The following ELAVL2 variants were observed in gnomAD, a reference collection of about 807,000 sequenced individuals.
ELAVL2 encodes the protein ELAV-like protein 2.
In ELAVL2, 4 loss-of-function variants were observed where a neutral mutation model predicts 34.6. That is an observed-to-expected ratio of 0.12 (90% CI 0.06 to 0.26). The LOEUF (loss-of-function observed/expected upper bound fraction) is 0.26, where lower values mean the gene tolerates loss of function less well. Ranked by LOEUF, ELAVL2 falls within the 10% of genes least tolerant of loss-of-function variation. The probability of loss-of-function intolerance (pLI) is 1.00; values close to 1 mark genes in which losing one functional copy is unlikely to be tolerated. For synonymous variants in ELAVL2, 193 were observed against 154.8 expected, an observed-to-expected ratio of 1.25 and a Z score of -1.83; for missense variants, 432 against 442.8, an observed-to-expected ratio of 0.98 and a Z score of 0.22.
intron 3 of ELAVL2, among the ~76,000 whole-genome samples, chr9:23,728,939 C>T (rs1304179605): frequency 6.6e-6 from 1 of 152,082 alleles, no homozygotes; most frequent in Non-Finnish European, 1.5e-5. Flanking sequence ...TTACCCTGAC[C>T]CACATCTCAG....
chr9:23,813,318 G>C (rs148387265), intron 1 of ELAVL2, among the ~76,000 whole-genome samples: 35 of 152,066 alleles, frequency 2.3e-4, no homozygotes, highest in African/African-American at 7.7e-4. Context: ...CTTCTGGAGT[G>C]GGGGAGAAAA....
intron 5 of ELAVL2, among the ~76,000 whole-genome samples, chr9:23,698,237 A>G (rs951637302): frequency 1.3e-5 from 2 of 152,228 alleles, no homozygotes; most frequent in Non-Finnish European, 2.9e-5. Flanking sequence ...TCATGTCCCA[A>G]GAATATACTT....
chr9:23,741,364 A>G (rs2049126971), intron 2 of ELAVL2, among the ~76,000 whole-genome samples: 1 of 152,172 alleles, frequency 6.6e-6, no homozygotes, highest in African/African-American at 2.4e-5. Context: ...CTGAGGCACA[A>G]TGAGGAAGGA....
chr9:23,718,869 A>G (rs2042962166), intron 3 of ELAVL2, among the ~76,000 whole-genome samples: 1 of 152,220 alleles, frequency 6.6e-6, no homozygotes, highest in Non-Finnish European at 1.5e-5. Flanking sequence ...TCATTCAAAG[A>G]CAATCCTTCA....
chr9:23,756,749 C>T (rs1363980658), intron 2 of ELAVL2, among the ~76,000 whole-genome samples: 1 of 152,168 alleles, frequency 6.6e-6, no homozygotes, highest in African/African-American at 2.4e-5. Context: ...CAATTGTTAA[C>T]ACCTCTTCCA....
chr9:23,742,506 G>T (rs967488349), intron 2 of ELAVL2, among the ~76,000 whole-genome samples: 1 of 152,304 alleles, frequency 6.6e-6, no homozygotes, highest in South Asian at 2.1e-4. Flanking sequence ...GAGTCATTAA[G>T]AAGGGAATAT....
chr9:23,756,206 C>T (rs1314650228), intron 2 of ELAVL2, among the ~76,000 whole-genome samples: 1 of 152,112 alleles, frequency 6.6e-6, no homozygotes, highest in African/African-American at 2.4e-5. Flanking sequence ...ATAAACCTAG[C>T]TAAGAACACT....
chr9:23,702,196 T>A (rs2037495528), intron 4 of ELAVL2, among the ~76,000 whole-genome samples: 1 of 152,194 alleles, frequency 6.6e-6, no homozygotes, highest in Non-Finnish European at 1.5e-5. Context: ...CTCTTCCAGT[T>A]CTCTGAAGCT....
chr9:23,811,884 T>C (rs757596853), intron 1 of ELAVL2, among the ~76,000 whole-genome samples: 1 of 152,036 alleles, frequency 6.6e-6, no homozygotes, highest in Non-Finnish European at 1.5e-5. Flanking sequence ...TAGTTACTCA[T>C]ACCATAAAAG....
chr9:23,806,880 A>G (rs1251358160), intron 1 of ELAVL2, among the ~76,000 whole-genome samples: 1 of 152,138 alleles, frequency 6.6e-6, no homozygotes. Flanking sequence ...AAGTAAAATT[A>G]AAATTCTCCT....
At chr9:23,746,577 T>C (rs1185486601) in intron 2 of ELAVL2, among the ~76,000 whole-genome samples, 3 of 152,096 alleles carry the variant, frequency 2.0e-5, no homozygotes, top group African/African-American at 2.4e-5. Flanking sequence ...CTTGAGACCC[T>C]AGGTCCTGAG....
chr9:23,745,273 G>C (rs1307715624), intron 2 of ELAVL2, among the ~76,000 whole-genome samples: 1 of 152,076 alleles, frequency 6.6e-6, no homozygotes, highest in East Asian at 1.9e-4. Flanking sequence ...CCCCAAAGAA[G>C]AATGTTTTCT....
rs2061225242 is a variant in ELAVL2 at position 23,798,485 on chromosome 9, A to G, written c.-16+27321T>C. Among the ~76,000 whole-genome samples the G allele has an allele frequency of 2.0e-5, 3 of 152,196 alleles. No homozygotes were observed. The South Asian group carries it at 6.2e-4, about 32-fold the overall frequency. ...ACCACCTACATCTCAGAGTTTTGTAAGAACTCAAGTGAGTGAATCCATGTA... is the reference window on the plus strand; with the variant it reads ...ACCACCTACATCTCAGAGTTTTGTAGGAACTCAAGTGAGTGAATCCATGTA... On this transcript the variant is annotated intron_variant, in intron 1 of 6. Coordinates refer to ENST00000397312, the MANE Select transcript of ELAVL2 (RefSeq NM_004432.5).
chr9:23,762,227 G>C lies in ELAVL2; in HGVS notation c.8C>G (p.Thr3Arg). The change falls in exon 2 of 7, where the codon ACA becomes AGA. Residue 3 changes from threonine (T) to arginine (R), a missense_variant. Coordinates refer to ENST00000397312, the MANE Select transcript of ELAVL2 (RefSeq NM_004432.5). ...GCAAGTTGGCCCATTAGACAGTTGT[G>C]TTTCCATGGCAGCAATTACCTGCTA... is the stretch of plus-strand genomic sequence containing the variant. The part of the protein sequence containing the change: ME[T>R]QLSNGPTCNN... The C allele has an allele frequency of 6.2e-7, 1 of 1,613,370 alleles. No individual in the cohort carries two copies. The highest frequency in any genetic ancestry group is 8.5e-7 in the Non-Finnish European group (1 of 1,179,544).
At chr9:23,747,270 A>G (rs2050740294) in intron 2 of ELAVL2, among the ~76,000 whole-genome samples, 1 of 152,134 alleles carries the variant, frequency 6.6e-6, no homozygotes. Flanking sequence ...CTGGGCAGGA[A>G]GGTGCAAAAT....
intron 1 of ELAVL2, among the ~76,000 whole-genome samples, chr9:23,795,492 G>A (rs1018822019): frequency 4.6e-5 from 7 of 152,068 alleles, no homozygotes; most frequent in Non-Finnish European, 8.8e-5. Flanking sequence ...GCAGTGAGCC[G>A]AGATCACGCC....
chr9:23,718,355 G>A (rs893160600), intron 3 of ELAVL2, among the ~76,000 whole-genome samples: 3 of 152,086 alleles, frequency 2.0e-5, no homozygotes, highest in Non-Finnish European at 2.9e-5. Flanking sequence ...GCCCTGATTT[G>A]ACACAATTAT....
chr9:23,706,303 C>A (rs1197082184), intron 3 of ELAVL2, among the ~76,000 whole-genome samples: 1 of 152,216 alleles, frequency 6.6e-6, no homozygotes, highest in Non-Finnish European at 1.5e-5. Flanking sequence ...GAAACCACAT[C>A]ATTCTTGGTC....
chr9:23,752,848 A>G (rs2052490063), intron 2 of ELAVL2, among the ~76,000 whole-genome samples: 1 of 145,588 alleles, frequency 6.9e-6, no homozygotes, highest in Non-Finnish European at 1.5e-5. Flanking sequence ...AATTTAGAAC[A>G]ATACAGAATG....
Sources: allele counts gnomAD v4.1 joint callset (sites outside exome capture counted in the v4.1 genomes callset), GRCh38; gene constraint gnomAD v4.1.1; transcripts MANE v1.5; gene names NCBI Gene and HGNC (gene_info 2026-07-23, HGNC 2026-07-21).